The following CHTF18 variants were observed in gnomAD, a reference collection of about 807,000 sequenced individuals.
CHTF18 encodes the protein chromosome transmission fidelity protein 18 homolog.
CHTF18 carries 151 observed loss-of-function variants against 113.4 expected under a neutral mutation model. The observed-to-expected ratio is 1.33, with a 90% CI of 1.17 to 1.52. The LOEUF (loss-of-function observed/expected upper bound fraction) is 1.52, where lower values mean the gene tolerates loss of function less well. CHTF18 is among the 40% of genes most tolerant of loss of function. CHTF18 has a pLI of 0.00. For missense variants in CHTF18, 1,982 were observed against 1,381.6 expected (o/e 1.43, Z -6.89); for synonymous variants, 916 against 598.8 (o/e 1.53, Z -7.74).
chr16:789,875 C>A, intron 4 of CHTF18, 160 bp downstream of exon 4: 1 of 1,335,318 alleles, frequency 7.5e-7, no homozygotes. Flanking sequence ...ACTTAGAGGA[C>A]ACAGCCTCCC....
chr16:798,033 G>C lies in CHTF18; in HGVS notation c.*58G>C. The C allele has an allele frequency of 6.4e-7, 1 of 1,562,370 alleles. No individual in the cohort carries two copies. The highest frequency in any genetic ancestry group is 8.7e-7 in the Non-Finnish European group (1 of 1,153,234). On this transcript the variant is annotated 3_prime_UTR_variant, in exon 22 of 22. Coordinates refer to ENST00000262315, the MANE Select transcript of CHTF18 (RefSeq NM_022092.3). ...TTCCCGCAGAGTGCAGAGACAGGAA[G>C]CTGGAGATGTCTTTATAAAGTCACA...
At chr16:791,817 G>T in intron 8 of CHTF18, 34 bp from the exon 9 acceptor site, 1 of 1,572,032 alleles carries the variant, frequency 6.4e-7, no homozygotes, top group Non-Finnish European at 8.6e-7. Flanking sequence ...TGTAGGTGCG[G>T]TGCACACTAC....
chr16:791,726 T>C lies in CHTF18; in HGVS notation c.1105-125T>C. On this transcript the variant is annotated intron_variant, in intron 8 of 21. Coordinates refer to ENST00000262315, the MANE Select transcript of CHTF18 (RefSeq NM_022092.3). Reference sequence around the variant, plus strand: ...GAAAGTGCTCAATTTTGTTCTTATTTGATGGCTGGAGTGGGGTGGAGGGAG... The same window carrying C: ...GAAAGTGCTCAATTTTGTTCTTATTCGATGGCTGGAGTGGGGTGGAGGGAG... The C allele has an allele frequency of 2.8e-6, 4 of 1,449,170 alleles. 1 individual carries two copies. The South Asian group carries it at 5.7e-5, about 21-fold the overall frequency. The allele number at this position is 1,449,170 out of a possible 1,614,324, so 89.8% of individuals were successfully genotyped here. A position where few individuals can be genotyped will look rare whatever the true frequency, so the allele number is the denominator to read the frequency against.
At chr16:789,439 G>C in intron 3 of CHTF18, 79 bp downstream of exon 3, 1 of 1,536,756 alleles carries the variant, frequency 6.5e-7, no homozygotes, top group South Asian at 1.2e-5. Flanking sequence ...CCCTGGATGA[G>C]GCCTGGGGGG....
In CHTF18 at chr16:793,054, A is replaced by G; in HGVS notation, c.1661A>G (p.Asn554Ser). Residue 554 changes from asparagine to serine, a missense_variant, in exon 13 of 22, where the codon AAC becomes AGC. Physicochemically the swap from Asn to Ser is conservative, Grantham distance 46 (BLOSUM62 1). Transcript: ENST00000262315. ...GACAATGACATCCGGGCCTGCATCA[A>G]CACCCTGCAGGTGGGCGGCCGGCAG... is the stretch of plus-strand genomic sequence containing the variant. ...KTDNDIRACINTLQFLYSRGQ... is the reference protein window; with the variant it reads ...KTDNDIRACISTLQFLYSRGQ... The G allele has an allele frequency of 6.7e-7, 1 of 1,500,296 alleles. No homozygotes were observed. The highest frequency in any genetic ancestry group is 9.0e-7 in the Non-Finnish European group (1 of 1,113,224). The allele number at this position is 1,500,296 out of a possible 1,614,324, so 92.9% of individuals were successfully genotyped here.
At position 792,542 on chromosome 16, in the gene CHTF18, C is replaced by G. The variant is rs758639731; in HGVS notation, c.1430C>G (p.Ala477Gly). 6.3e-7 allele frequency: 1 copy of G among 1,596,826 alleles called. No homozygotes were observed. Among genetic ancestry groups the G allele is most frequent in the Non-Finnish European group, 8.5e-7 (1 of 1,175,172 alleles). The change falls in exon 11 of 22, where the codon GCA becomes GGA. Residue 477 changes from alanine (A) to glycine (G), a missense_variant. By Grantham distance (60) the Ala-to-Gly change is moderately conservative. Transcript: ENST00000262315. The stretch of plus-strand genomic sequence containing the variant: ...TCGGGAGGCGGCCGACGGCGCCGGG[C>G]AGAGGGGGGGCTCCTCATGAGGCCC... ...VPSGGGRRRR[A>G]EGGLLMRPII...
Position 796,983 on chromosome 16 carries a change from T to A in CHTF18, c.2624T>A (p.Leu875His), listed in dbSNP as rs1345890620. Reference protein sequence around the residue: ...SPQVDGSPPGLEGLLGGIGEK... With the variant: ...SPQVDGSPPGHEGLLGGIGEK... ...CAGGTGGATGGGAGCCCCCCAGGGC[T>A]CGAGGGTCTGCTGGGGGGCATTGGG... The change falls in exon 20 of 22, where the codon CTC (leucine) becomes CAC (histidine). Residue 875 changes from leucine (L) to histidine (H), a missense_variant. Physicochemically the swap from Leu to His is moderately conservative, Grantham distance 99 (BLOSUM62 -3). Transcript: ENST00000262315. The A allele has an allele frequency of 1.3e-6, 2 of 1,531,862 alleles. No individual in the cohort carries two copies. Among genetic ancestry groups the A allele is most frequent in the Non-Finnish European group, 1.8e-6 (2 of 1,138,554 alleles). 94.9% of individuals were successfully genotyped at this position (1,531,862 alleles called of 1,614,324 possible). A position where few individuals can be genotyped will look rare whatever the true frequency, so the allele number is the denominator to read the frequency against.
chr16:792,642 G>A, intron 11 of CHTF18, 52 bp downstream of exon 11: 1 of 1,590,340 alleles, frequency 6.3e-7, no homozygotes, highest in Non-Finnish European at 8.5e-7. Flanking sequence ...TGCCTGGAGG[G>A]AGGGTTCCGG....
At position 790,257 on chromosome 16, in the gene CHTF18, G is replaced by C; in HGVS notation, c.687G>C (p.Gln229His). The change falls in exon 5 of 22, where the codon CAG (glutamine) becomes CAC (histidine). Residue 229 changes from glutamine (Q) to histidine (H), a missense_variant. Physicochemically the swap from Gln to His is conservative, Grantham distance 24. Transcript: ENST00000262315. ...TGTCCTTAGCCTCCCTGAAGAAGCA[G>C]GTCGACGGCGAGGTAGGGGCTGCGG... ...LGVSLASLKK[Q>H]VDGERRERLL... The C allele has an allele frequency of 1.2e-6, 2 of 1,606,800 alleles. No individual in the cohort carries two copies. Among genetic ancestry groups the C allele is most frequent in the African/African-American group, 1.3e-5 (1 of 74,918 alleles).
At chr16:791,452 C>G in intron 8 of CHTF18, 82 bp downstream of exon 8, 1 of 1,477,794 alleles carries the variant, frequency 6.8e-7, no homozygotes, top group Non-Finnish European at 9.0e-7. Flanking sequence ...TGTTGACTTT[C>G]TCCAGGAGCC....
At chr16:790,003 G>C in intron 4 of CHTF18, 174 bp from the exon 5 acceptor site, 1 of 1,535,356 alleles carries the variant, frequency 6.5e-7, no homozygotes, top group Non-Finnish European at 8.7e-7. Flanking sequence ...ATTTCCCTTT[G>C]CAGCTGACCC....
rs753996352 is a variant in CHTF18, at chr16:793,282, G to A, written c.1802+8G>A. On this transcript the variant is annotated splice_region_variant and intron_variant, in intron 14 of 21. Transcript: ENST00000262315. ...GCTGCCTCGAGCCCAGAGGTAGGCG[G>A]TGGCCACAGCCTCGGCCCAGATGCT... 3.7e-6 allele frequency: 6 copies of A among 1,605,518 alleles called. No individual in the cohort carries two copies. In the African/African-American group the frequency reaches 4.0e-5, roughly 11 times the overall value.
At chr16:789,832 G>T (rs913046883) in intron 4 of CHTF18, 117 bp downstream of exon 4, 10 of 1,353,376 alleles carry the variant, frequency 7.4e-6, no homozygotes, top group South Asian at 1.4e-5. Flanking sequence ...AGCCCCAGGG[G>T]TGCAGAGGGG....
At chr16:796,192 G>C (rs1261228638) in intron 18 of CHTF18, 115 bp downstream of exon 18, 1 of 1,364,676 alleles carries the variant, frequency 7.3e-7, no homozygotes, top group Non-Finnish European at 9.9e-7. Flanking sequence ...GTCTGGGGGT[G>C]GCGGGCCCCA....
intron 4 of CHTF18, 155 bp downstream of exon 4, chr16:789,870 G>C: frequency 2.2e-6 from 3 of 1,333,638 alleles, no homozygotes; most frequent in Non-Finnish European, 3.1e-6. Context: ...CGTAGACTTA[G>C]AGGACACAGC....
chr16:796,173 G>C, intron 18 of CHTF18, 96 bp downstream of exon 18: 1 of 1,472,676 alleles, frequency 6.8e-7, no homozygotes, highest in Non-Finnish European at 9.1e-7. Context: ...CTGAAAGCAC[G>C]GTCATGGCGT....
At position 797,723 on chromosome 16, in the gene CHTF18, C is replaced by G. The variant is rs768086895; in HGVS notation, c.2763C>G (p.Val921=). The G allele has an allele frequency of 2.5e-6, 4 of 1,601,928 alleles. No individual in the cohort carries two copies. In the East Asian group the frequency reaches 9.0e-5, roughly 36 times the overall value. Residue 921 remains valine (V), a synonymous_variant, in exon 21 of 22, where the codon GTC becomes GTG. Coordinates refer to ENST00000262315, the MANE Select transcript of CHTF18 (RefSeq NM_022092.3). Reference sequence around the variant, plus strand: ...AGAAGGACTTCTTTGGACGTGTGGTCGTCAGGAGCACAGCAGTCCCGAGTG... The same window carrying G: ...AGAAGGACTTCTTTGGACGTGTGGTGGTCAGGAGCACAGCAGTCCCGAGTG... ...QPEKDFFGRV[V]VRSTAVPSAG...
intron 4 of CHTF18, 23 bp from the exon 5 acceptor site, chr16:790,154 C>T (rs2151641498): frequency 1.3e-6 from 2 of 1,573,798 alleles, no homozygotes; most frequent in East Asian, 2.4e-5. Context: ...GGCCCAGAGG[C>T]AATTGTCCTC....
At position 793,829 on chromosome 16, in the gene CHTF18, A is replaced by G. The variant is rs537880741; in HGVS notation, c.1803-225A>G. The G allele has an allele frequency of 1.8e-4, 115 of 637,252 alleles. 4 individuals carry two copies. The South Asian group carries it at 2.1e-3, about 11-fold the overall frequency. 39.5% of individuals were successfully genotyped at this position (637,252 alleles called of 1,614,324 possible). Reference sequence around the variant, plus strand: ...TCCCCTAACCCCAGAGGGTCAGGGCAGGGCTCCTCTCAGAGTGGGGCTCCT... The same window carrying G: ...TCCCCTAACCCCAGAGGGTCAGGGCGGGGCTCCTCTCAGAGTGGGGCTCCT... On this transcript the variant is annotated intron_variant, in intron 14 of 21. Coordinates refer to ENST00000262315, the MANE Select transcript of CHTF18 (RefSeq NM_022092.3).
Sources: gnomAD v4.1 joint callset for allele counts on GRCh38, gnomAD v4.1.1 for gene constraint, MANE v1.5 for transcripts, NCBI Gene and HGNC (gene_info 2026-07-23, HGNC 2026-07-21) for gene names.